LTF: variants seen among roughly 807,000 people sequenced by gnomAD.
The protein encoded by LTF is epididymis luminal protein 110.
Under a neutral mutation model 87.2 loss-of-function variants are expected in LTF, and 91 were observed. The ratio of observed to expected loss-of-function variants is 1.04; its 90% CI spans 0.88 to 1.24. The LOEUF (loss-of-function observed/expected upper bound fraction) is 1.24. Among genes scored for constraint, LTF ranks in the 50% most tolerant of loss-of-function variants. The pLI, the probability that LTF is intolerant of heterozygous loss-of-function variation, is 0.00. For missense variants in LTF, 901 were observed against 904.3 expected, an observed-to-expected ratio of 1.00 and a Z score of 0.05; for synonymous variants, 378 against 356.1, an observed-to-expected ratio of 1.06 and a Z score of -0.69.
At chr3:46,465,250 C>T, upstream of LTF, 1 of 254,148 alleles carries the variant, frequency 3.9e-6, no homozygotes, top group African/African-American at 2.3e-5. Flanking sequence ...TTGAAGATCG[C>T]CTTGACCTGT....
intron 1 of LTF, among the ~76,000 whole-genome samples, chr3:46,473,861 A>T (rs972061034): frequency 1.3e-5 from 2 of 152,226 alleles, no homozygotes; most frequent in Non-Finnish European, 2.9e-5. Context: ...GGACATGGAC[A>T]TCTTTGGGGT....
chr3:46,445,196 C>T (rs1702618616), intron 12 of LTF, 85 bp downstream of exon 12: 7 of 1,357,908 alleles, frequency 5.2e-6, no homozygotes, highest in Non-Finnish European at 7.0e-6. Flanking sequence ...CTGCAAATCC[C>T]CTCCCCTCCC....
At chr3:46,448,696 C>G (rs141769722) in intron 9 of LTF, among the ~76,000 whole-genome samples, 167 bp downstream of exon 9, 1 of 152,200 alleles carries the variant, frequency 6.6e-6, no homozygotes, top group East Asian at 1.9e-4. Flanking sequence ...CAGTAAACTG[C>G]TTTTTGAAAC....
intron 14 of LTF, among the ~76,000 whole-genome samples, chr3:46,440,045 C>T (rs1702481462): frequency 6.6e-6 from 1 of 152,186 alleles, no homozygotes; most frequent in Non-Finnish European, 1.5e-5. Context: ...ATAATAGGTG[C>T]AAGGGTTTCT....
chr3:46,452,460 A>G lies in LTF; in HGVS notation c.704-1787T>C, dbSNP rs1159742857. On this transcript the variant is annotated intron_variant, in intron 6 of 16. Coordinates refer to ENST00000231751, the MANE Select transcript of LTF (RefSeq NM_002343.6). ...CATGGAACAATTTAAATTCAGTACA[A>G]TTCGAATCAAAATTAAAGTATGATT... Among the ~76,000 whole-genome samples the G allele has an allele frequency of 3.9e-5, 6 of 152,242 alleles. No individual in the cohort carries two copies. The East Asian group carries it at 5.8e-4, about 15-fold the overall frequency.
intron 6 of LTF, among the ~76,000 whole-genome samples, chr3:46,451,859 T>G (rs1702811964): frequency 6.6e-6 from 1 of 152,188 alleles, no homozygotes; most frequent in African/African-American, 2.4e-5. Flanking sequence ...TCTCCCAAAG[T>G]GCTGGGATTA....
chr3:46,459,129 C>CA (rs945346753), intron 2 of LTF, among the ~76,000 whole-genome samples: 25 of 152,302 alleles, frequency 1.6e-4, no homozygotes, highest in African/African-American at 5.1e-4. Flanking sequence ...TCTTACATCT[C>CA]AAAAAATAAA....
intron 6 of LTF, among the ~76,000 whole-genome samples, chr3:46,453,020 G>A (rs1702840332): frequency 1.3e-5 from 2 of 152,190 alleles, no homozygotes; most frequent in South Asian, 4.1e-4. Flanking sequence ...GATCAACAGA[G>A]ACTACCGTTG....
chr3:46,475,463 T>C (rs538967525), intron 1 of LTF, among the ~76,000 whole-genome samples: 1 of 152,058 alleles, frequency 6.6e-6, no homozygotes, highest in East Asian at 1.9e-4. Flanking sequence ...TCTGTTATTC[T>C]TGGGAGAAAC....
intron 12 of LTF, among the ~76,000 whole-genome samples, chr3:46,444,405 AT>A (rs1303939526): frequency 6.6e-6 from 1 of 152,218 alleles, no homozygotes; most frequent in African/African-American, 2.4e-5. Flanking sequence ...CCTGATCTGA[AT>A]TCGTTCATTG....
At position 46,438,133 on chromosome 3, in the gene LTF, C is replaced by A; in HGVS notation, c.1909-4G>T. The A allele has an allele frequency of 5.0e-6, 8 of 1,611,356 alleles. No homozygotes were observed. Among genetic ancestry groups the A allele is most frequent in the Non-Finnish European group, 6.8e-6 (8 of 1,178,616 alleles). On this transcript the variant is annotated splice_polypyrimidine_tract_variant and splice_region_variant and intron_variant, in intron 15 of 16. Coordinates refer to ENST00000231751, the MANE Select transcript of LTF (RefSeq NM_002343.6). ...ATCCATTTCTCCCAAATTTAGCCTG[C>A]GACAAAAGGGCAGACAGTGAGTAGC... is the stretch of plus-strand genomic sequence containing the variant.
In LTF at chr3:46,455,465, C is replaced by A. The variant is rs769142512; in HGVS notation, c.500-23G>T. ...CAGCTGTTAAACACAGAGAAGTGGACCACAGAGTGTGAGCCAGCCCTGGTC... is the reference window on the plus strand; with the variant it reads ...CAGCTGTTAAACACAGAGAAGTGGAACACAGAGTGTGAGCCAGCCCTGGTC... On this transcript the variant is annotated intron_variant, in intron 4 of 16. Transcript: ENST00000231751. The A allele has an allele frequency of 3.7e-6, 6 of 1,613,936 alleles. No homozygotes were observed. The Admixed American group carries it at 1.0e-4, about 27-fold the overall frequency.
intron 2 of LTF, among the ~76,000 whole-genome samples, chr3:46,459,075 A>C (rs987620756): frequency 6.6e-6 from 1 of 152,268 alleles, no homozygotes; most frequent in Admixed American, 6.5e-5. Flanking sequence ...GCAGGTACAC[A>C]GAATATATTT....
intron 1 of LTF, among the ~76,000 whole-genome samples, chr3:46,464,473 G>T (rs1458899889): frequency 6.6e-6 from 1 of 152,178 alleles, no homozygotes; most frequent in African/African-American, 2.4e-5. Flanking sequence ...TGAGCTAGTC[G>T]CTCACCCTCT....
Position 46,435,938 on chromosome 3 carries a change from C to T in LTF, c.*257G>A. The stretch of plus-strand genomic sequence containing the variant: ...GAAAAACTTGGAAGGGAAGGTCCAA[C>T]TGTACAGGTATTTTGTCAGGCATGT... On this transcript the variant is annotated 3_prime_UTR_variant, in exon 17 of 17. Coordinates refer to ENST00000231751, the MANE Select transcript of LTF (RefSeq NM_002343.6). 2 of 512,480 alleles carry T rather than the reference C, an allele frequency of 3.9e-6. No individual in the cohort carries two copies. Among genetic ancestry groups the T allele is most frequent in the Non-Finnish European group, 7.0e-6 (2 of 286,258 alleles). 31.7% of individuals were successfully genotyped at this position (512,480 alleles called of 1,614,324 possible).
chr3:46,436,157 T>A lies in LTF; in HGVS notation c.*38A>T. 6.2e-7 allele frequency: 1 copy of A among 1,611,714 alleles called. No homozygotes were observed. Among genetic ancestry groups the A allele is most frequent in the Non-Finnish European group, 8.5e-7 (1 of 1,177,802 alleles). ...AGAAGAGCTGGGGGCAGTGAATGGCTGAGGCTTTCTTGGGGAGCTGGGCCA... is the reference window on the plus strand; with the variant it reads ...AGAAGAGCTGGGGGCAGTGAATGGCAGAGGCTTTCTTGGGGAGCTGGGCCA... On this transcript the variant is annotated 3_prime_UTR_variant, in exon 17 of 17. Transcript: ENST00000231751.
chr3:46,440,930 G>T (rs1218120060), intron 14 of LTF, among the ~76,000 whole-genome samples: 1 of 152,172 alleles, frequency 6.6e-6, no homozygotes, highest in African/African-American at 2.4e-5. Flanking sequence ...CTGTAATTTT[G>T]TTCCCACTAA....
upstream of LTF, chr3:46,469,736 T>C (rs885486): frequency 0.38 from 58,124 of 152,104 alleles, 11,284 homozygotes; most frequent in East Asian, 0.51. Flanking sequence ...TGGCCCCACA[T>C]TGGCCCTTTT....
At chr3:46,470,271 G>A (rs926755241) in intron 2 of LTF, 1 of 152,494 alleles carries the variant, frequency 6.6e-6, no homozygotes, top group East Asian at 1.9e-4. Flanking sequence ...GGCCTGGAGG[G>A]AGCATGTGTG....
Sources: gnomAD v4.1 joint callset for allele counts (sites outside exome capture counted in the v4.1 genomes callset) on GRCh38, gnomAD v4.1.1 for gene constraint, MANE v1.5 for transcripts, NCBI Gene and HGNC (gene_info 2026-07-23, HGNC 2026-07-21) for gene names.